PLEKHA6: variants seen among roughly 807,000 people sequenced by gnomAD.
PLEKHA6 encodes the protein pleckstrin homology domain containing A6, also known as pleckstrin homology domain-containing family A member 6.
A neutral mutation model predicts 116.7 loss-of-function variants in PLEKHA6; 60 were observed. That is an observed-to-expected ratio of 0.51 (90% confidence interval 0.42 to 0.64). PLEKHA6 has a LOEUF of 0.64. Among genes scored for constraint, PLEKHA6 ranks in the 30% least tolerant of loss-of-function variants. The probability of loss-of-function intolerance (pLI) is 0.00; values close to 1 mark genes in which losing one functional copy is unlikely to be tolerated. For missense variants in PLEKHA6, 1,338 were observed against 1,422.7 expected, an observed-to-expected ratio of 0.94 and a Z score of 0.96; for synonymous variants, 489 against 556.1, an observed-to-expected ratio of 0.88 and a Z score of 1.70.
chr1:204,280,554 T>A, intron 1 of PLEKHA6: 4 of 667,562 alleles, frequency 6.0e-6, no homozygotes, highest in Non-Finnish European at 7.4e-6. Context: ...GAGGACGCCT[T>A]GGCTTCCAGC....
At position 204,290,988 on chromosome 1, in the gene PLEKHA6, CA is replaced by C. The variant is rs34983026; in HGVS notation, c.-94-16180del. Among the ~76,000 whole-genome samples the C allele has an allele frequency of 3.3e-3, 370 of 113,300 alleles. 2 individuals carry two copies. The highest frequency in any genetic ancestry group is 0.012 in the South Asian group (40 of 3,212). 74.3% of individuals were successfully genotyped at this position (113,300 alleles called of 152,430 possible). A position where few individuals can be genotyped will look rare whatever the true frequency, so the allele number is the denominator to read the frequency against. On this transcript the variant is annotated intron_variant, in intron 1 of 22. Transcript: ENST00000272203. ...TGGGTGACAGAGTGAGACCCTGTCT[CA>C]AAAAAAAAAAAAAAAAGACATTGTT...
At chr1:204,266,143 C>A (rs1173421641) in intron 5 of PLEKHA6, among the ~76,000 whole-genome samples, 3 of 152,186 alleles carry the variant, frequency 2.0e-5, no homozygotes, top group African/African-American at 7.2e-5. Flanking sequence ...ACTTGGCCCA[C>A]AGATCAGCTT....
intron 1 of PLEKHA6, among the ~76,000 whole-genome samples, chr1:204,303,830 T>C (rs1306541734): frequency 6.6e-6 from 1 of 152,110 alleles, no homozygotes; most frequent in Admixed American, 6.6e-5. Flanking sequence ...CCTCCTGCCT[T>C]AGCCTCCTGA....
chr1:204,285,692 A>T (rs1231615003), intron 1 of PLEKHA6, among the ~76,000 whole-genome samples: 1 of 152,270 alleles, frequency 6.6e-6, no homozygotes, highest in South Asian at 2.1e-4. Flanking sequence ...GGCCAGGCTC[A>T]TTATTTTTAA....
intron 1 of PLEKHA6, among the ~76,000 whole-genome samples, chr1:204,292,554 G>T (rs570484429): frequency 2.6e-5 from 4 of 151,664 alleles, no homozygotes; most frequent in Non-Finnish European, 5.9e-5. Flanking sequence ...CCTCACCCTG[G>T]CTGATGCCCA....
intron 1 of PLEKHA6, among the ~76,000 whole-genome samples, chr1:204,344,695 A>G (rs1672971032): frequency 6.6e-6 from 1 of 152,170 alleles, no homozygotes; most frequent in South Asian, 2.1e-4. Flanking sequence ...AATTAATTAT[A>G]CTGCAGACCA....
chr1:204,258,533 C>T (rs1459391169), intron 8 of PLEKHA6, among the ~76,000 whole-genome samples: 2 of 152,196 alleles, frequency 1.3e-5, no homozygotes, highest in Non-Finnish European at 2.9e-5. Flanking sequence ...GGCACCAGAC[C>T]ACCAGCAATG....
At chr1:204,245,796 A>T in intron 13 of PLEKHA6, 70 bp from the exon 14 acceptor site, 1 of 1,047,736 alleles carries the variant, frequency 9.5e-7, no homozygotes, top group South Asian at 1.3e-5. Flanking sequence ...CTCAGCCCAG[A>T]CCCCTTGGAA....
chr1:204,303,299 C>A (rs1413809208), intron 1 of PLEKHA6, among the ~76,000 whole-genome samples: 1 of 152,212 alleles, frequency 6.6e-6, no homozygotes, highest in Non-Finnish European at 1.5e-5. Flanking sequence ...CCTCTCCCCA[C>A]AGTTGAACAA....
chr1:204,248,228 G>A (rs1370131881), intron 12 of PLEKHA6, among the ~76,000 whole-genome samples: 1 of 138,522 alleles, frequency 7.2e-6, no homozygotes, highest in Non-Finnish European at 1.5e-5. Context: ...GTGCGATCTC[G>A]GCTCACGGCA....
chr1:204,324,226 G>T (rs767144206), intron 1 of PLEKHA6, among the ~76,000 whole-genome samples: 15 of 152,136 alleles, frequency 9.9e-5, no homozygotes, highest in Admixed American at 5.2e-4. Context: ...GACTTTGATT[G>T]CCAGGCATCC....
In PLEKHA6 at chr1:204,259,283, C is replaced by T. The variant is rs755079371; in HGVS notation, c.982G>A (p.Val328Ile). 9.9e-6 allele frequency: 16 copies of T among 1,611,922 alleles called. No homozygotes were observed. The highest frequency in any genetic ancestry group is 1.6e-4 in the Middle Eastern group (1 of 6,084). Residue 328 changes from valine to isoleucine, a missense_variant, in exon 8 of 23, where the codon GTA becomes ATA. Coordinates refer to ENST00000272203, the MANE Select transcript of PLEKHA6 (RefSeq NM_014935.5). This position sits in a 1 kb window ranked among gnomAD's most constrained non-coding sequence, Gnocchi z 4.6. ...CTCCGAAGGTCTTCAGGCGGGGGTA[C>T]CCCCCGGCGCAGATTCACCCACTGC... ...LQQWVNLRRG[V>I]PPPEDLRSPS... is the part of the protein sequence containing the mutation.
At chr1:204,232,088 G>C (rs2102452040) in intron 17 of PLEKHA6, among the ~76,000 whole-genome samples, 1 of 152,244 alleles carries the variant, frequency 6.6e-6, no homozygotes, top group Admixed American at 6.5e-5. Flanking sequence ...ATTAGAAAGG[G>C]AAGAAAGGCC....
rs1214534702 is a variant in PLEKHA6, at chr1:204,222,035, TC to T, written c.*752del. 3.6e-4 allele frequency: 55 copies of T among 152,788 alleles called. No homozygotes were observed. Among genetic ancestry groups the T allele is most frequent in the Non-Finnish European group, 6.7e-4 (46 of 68,852 alleles). 9.5% of individuals were successfully genotyped at this position (152,788 alleles called of 1,614,324 possible). ...CACTCTGAGGATCTCTCTCTCTCTC[TC>T]TCTCTCTCTCTCTTTCTGTCTCTCT... On this transcript the variant is annotated 3_prime_UTR_variant, in exon 23 of 23. Transcript: ENST00000272203.
rs188171930 is a variant in PLEKHA6 at position 204,277,283 on chromosome 1, C to T, written c.-94-2474G>A. Among the ~76,000 whole-genome samples, 13 of 152,208 alleles carry T rather than the reference C, an allele frequency of 8.5e-5. No homozygotes were observed. The highest frequency in any genetic ancestry group is 2.6e-4 in the African/African-American group (11 of 41,536). On this transcript the variant is annotated intron_variant, in intron 1 of 22. Transcript: ENST00000272203. This position sits in a 1 kb window ranked among gnomAD's most constrained non-coding sequence, Gnocchi z 4.1. Reference sequence around the variant, plus strand: ...AGTAGGCCTGTGGCTTCCTGGTATTCGGCCAGAATGCTACTGGTCAGAGGA... The same window carrying T: ...AGTAGGCCTGTGGCTTCCTGGTATTTGGCCAGAATGCTACTGGTCAGAGGA...
chr1:204,271,065 C>T (rs948807210), intron 3 of PLEKHA6, among the ~76,000 whole-genome samples: 5 of 152,258 alleles, frequency 3.3e-5, no homozygotes, highest in African/African-American at 4.8e-5. Flanking sequence ...CCGTGGGCCA[C>T]ACGCAGCCCA....
At chr1:204,262,947 A>T (rs536285711) in intron 6 of PLEKHA6, among the ~76,000 whole-genome samples, 1 of 151,908 alleles carries the variant, frequency 6.6e-6, no homozygotes, top group South Asian at 2.1e-4. Context: ...TAGAGCGGAG[A>T]CACACAGGCA....
chr1:204,328,995 T>C (rs12044614), intron 1 of PLEKHA6, among the ~76,000 whole-genome samples: 33,468 of 152,160 alleles, frequency 0.22, 3,924 homozygotes, highest in South Asian at 0.29. Flanking sequence ...ACCTCAAAGC[T>C]CCACTCTTAC....
chr1:204,244,368 C>G (rs1025236198), intron 15 of PLEKHA6, among the ~76,000 whole-genome samples: 2 of 151,180 alleles, frequency 1.3e-5, no homozygotes, highest in African/African-American at 4.9e-5. Flanking sequence ...GTCTCTATAT[C>G]CTGACCTAGC....
Sources: gnomAD v4.1 joint callset for allele counts (sites outside exome capture counted in the v4.1 genomes callset) on GRCh38, gnomAD v4.1.1 for gene constraint, Gnocchi (gnomAD v3.1) non-coding constraint, MANE v1.5 for transcripts, NCBI Gene and HGNC (gene_info 2026-07-23, HGNC 2026-07-21) for gene names.